Variants in HNRNPK observed in about 807,000 individuals in gnomAD.
HNRNPK encodes heterogeneous nuclear ribonucleoprotein K.
In HNRNPK, 7 loss-of-function variants were observed where a neutral mutation model predicts 67.0. The observed-to-expected ratio is 0.10, with a 90% CI of 0.06 to 0.20. The LOEUF (loss-of-function observed/expected upper bound fraction) is 0.20. Ranked by LOEUF, HNRNPK falls within the 10% of genes least tolerant of loss-of-function variation. The pLI, the probability that HNRNPK is intolerant of heterozygous loss-of-function variation, is 1.00. For synonymous variants in HNRNPK, 213 were observed against 193.7 expected, an observed-to-expected ratio of 1.10 and a Z score of -0.83; for missense variants, 264 against 606.5, an observed-to-expected ratio of 0.44 and a Z score of 5.93.
chr9:83,969,855 C>A, intron 16 of HNRNPK: 2 of 611,784 alleles, frequency 3.3e-6, no homozygotes, highest in East Asian at 3.7e-5. Flanking sequence ...GGCCAACATC[C>A]AATGAATCTT....
At chr9:83,971,446 A>C in intron 12 of HNRNPK, 90 bp from the exon 13 acceptor site, 1 of 953,008 alleles carries the variant, frequency 1.0e-6, no homozygotes, top group Non-Finnish European at 1.7e-6. Flanking sequence ...TTACATTAAA[A>C]CAAAAGAGGG....
rs773005085 is a variant in HNRNPK at position 83,974,489 on chromosome 9, A to G, written c.330+28T>C. The G allele has an allele frequency of 3.4e-6, 4 of 1,163,058 alleles. No individual in the cohort carries two copies. The South Asian group carries it at 5.0e-5, about 15-fold the overall frequency. The allele number at this position is 1,163,058 out of a possible 1,614,324, so 72.0% of individuals were successfully genotyped here. ...TTAAACATTCCCCCCTCATATTGTC[A>G]AATACATTTAAAAAAAAATGAGCCT... On this transcript the variant is annotated intron_variant, in intron 7 of 16. Transcript: ENST00000376263.
intron 12 of HNRNPK, 80 bp downstream of exon 12, chr9:83,971,592 T>C (rs1956844911): frequency 4.1e-6 from 5 of 1,211,420 alleles, no homozygotes; most frequent in East Asian, 4.6e-5. Flanking sequence ...TTTTAATCAC[T>C]ATAACCTTCA....
intron 1 of HNRNPK, among the ~76,000 whole-genome samples, chr9:83,979,888 C>T (rs1436638574): frequency 6.6e-6 from 1 of 152,208 alleles, no homozygotes; most frequent in Non-Finnish European, 1.5e-5. Flanking sequence ...CTTTCCTCCA[C>T]GAGGTCCCTA....
chr9:83,970,717 G>A lies in HNRNPK; in HGVS notation c.1191+20C>T. 7.6e-7 allele frequency: 1 copy of A among 1,313,308 alleles called. No homozygotes were observed. The highest frequency in any genetic ancestry group is 1.2e-5 in the South Asian group (1 of 82,076). 81.4% of individuals were successfully genotyped at this position (1,313,308 alleles called of 1,614,324 possible). A position where few individuals can be genotyped will look rare whatever the true frequency, so the allele number is the denominator to read the frequency against. On this transcript the variant is annotated intron_variant, in intron 15 of 16. Transcript: ENST00000376263. ...TCATAAAAGTGATAAAATGTTCCTG[G>A]TAGTATTAAAGATACTTACATCTTT... is the stretch of plus-strand genomic sequence containing the variant.
chr9:83,976,988 T>C lies in HNRNPK; in HGVS notation c.213+7A>G, dbSNP rs75397435. ...CTCGTGTAGTAGTTTAAACTCTTAA[T>C]ACTTACGTCTGTACGGAGAGCCTTA... is the stretch of plus-strand genomic sequence containing the variant. On this transcript the variant is annotated splice_region_variant and intron_variant, in intron 5 of 16. Transcript: ENST00000376263. 7,400 of 1,581,288 alleles carry C rather than the reference T, an allele frequency of 4.7e-3. 186 individuals are homozygous for C. The highest frequency in any genetic ancestry group is 0.023 in the East Asian group (1,028 of 44,662).
Position 83,971,367 on chromosome 9 carries a change from T to C in HNRNPK, c.1009-11A>G, listed in dbSNP as rs760508706. The stretch of plus-strand genomic sequence containing the variant: ...AGCACTGAAACCAACCTGTTAGAGA[T>C]AAAAACATTAACATGAACCCGCATT... On this transcript the variant is annotated splice_polypyrimidine_tract_variant and intron_variant, in intron 12 of 16. Transcript: ENST00000376263. 8.3e-6 allele frequency: 13 copies of C among 1,557,534 alleles called. No individual in the cohort carries two copies. The Admixed American group carries it at 2.2e-4, about 26-fold the overall frequency.
At chr9:83,979,615 A>T (rs1482120527) in intron 1 of HNRNPK, among the ~76,000 whole-genome samples, 1 of 151,986 alleles carries the variant, frequency 6.6e-6, no homozygotes, top group Non-Finnish European at 1.5e-5. Flanking sequence ...CCTCACCCGG[A>T]TCCGACAGGA....
Position 83,978,241 on chromosome 9 carries a change from T to C in HNRNPK, c.12A>G (p.Glu4=). The C allele has an allele frequency of 6.2e-7, 1 of 1,612,952 alleles. No individual in the cohort carries two copies. Among genetic ancestry groups the C allele is most frequent in the Admixed American group, 1.7e-5 (1 of 59,958 alleles). The part of the protein sequence containing the change: MET[E]QPEETFPNTE... The stretch of plus-strand genomic sequence containing the variant: ...TGTTAGGGAAGGTTTCTTCTGGCTG[T>C]TCAGTTTCCATATTCTTTTATTAAA... The change falls in exon 3 of 17, where the codon GAA becomes GAG. Residue 4 remains glutamate, a synonymous_variant. Coordinates refer to ENST00000376263, the MANE Select transcript of HNRNPK (RefSeq NM_031263.4).
Position 83,969,180 on chromosome 9 carries a change from T to TCC in HNRNPK, c.*225_*226dup. ...TTCAATGTTAGTTTTTGCACGCCCT[T>TCC]CCCCCCCCCAACCCTGTTTGTAAGG... is the stretch of plus-strand genomic sequence containing the variant. On this transcript the variant is annotated 3_prime_UTR_variant, in exon 17 of 17. Coordinates refer to ENST00000376263, the MANE Select transcript of HNRNPK (RefSeq NM_031263.4). The TCC allele has an allele frequency of 5.8e-6, 3 of 512,970 alleles. No homozygotes were observed. Among genetic ancestry groups the TCC allele is most frequent in the South Asian group, 3.0e-5 (1 of 32,812 alleles). The allele number at this position is 512,970 out of a possible 1,614,324, so 31.8% of individuals were successfully genotyped here.
chr9:83,972,815 A>G (rs1373060252), intron 10 of HNRNPK, 29 bp downstream of exon 10: 1 of 1,538,720 alleles, frequency 6.5e-7, no homozygotes, highest in Non-Finnish European at 8.8e-7. Context: ...TCATAAAATC[A>G]AATGTAAACA....
At chr9:83,974,720 G>T in intron 6 of HNRNPK, 131 bp from the exon 7 acceptor site, 1 of 630,404 alleles carries the variant, frequency 1.6e-6, no homozygotes, top group Non-Finnish European at 2.8e-6. Context: ...CCCATTTAAA[G>T]TAGCCTATTT....
intron 3 of HNRNPK, among the ~76,000 whole-genome samples, 193 bp downstream of exon 3, chr9:83,978,002 A>G (rs992996233): frequency 6.6e-6 from 1 of 152,240 alleles, no homozygotes; most frequent in African/African-American, 2.4e-5. Context: ...AAAATGCAAG[A>G]AAAATTCTTT....
At chr9:83,978,943 G>A (rs371343386) in intron 1 of HNRNPK, among the ~76,000 whole-genome samples, 3 of 152,190 alleles carry the variant, frequency 2.0e-5, no homozygotes, top group South Asian at 2.1e-4. Flanking sequence ...CTACCGGAGG[G>A]ATAAATCCAA....
intron 3 of HNRNPK, 129 bp downstream of exon 3, chr9:83,978,066 G>C: frequency 1.5e-6 from 1 of 652,014 alleles, no homozygotes; most frequent in Non-Finnish European, 2.7e-6. Context: ...TGTAACTACT[G>C]ATAATCGCAG....
rs200474083 is a variant in HNRNPK, at chr9:83,977,062, T to C, written c.157-11A>G. 6 of 1,605,330 alleles carry C rather than the reference T, an allele frequency of 3.7e-6. No homozygotes were observed. In the African/African-American group the frequency reaches 8.0e-5, roughly 21 times the overall value. On this transcript the variant is annotated splice_polypyrimidine_tract_variant and intron_variant, in intron 4 of 16. Transcript: ENST00000376263. ...CACTGCCCCAGCATTCTGGAGAAGA[T>C]ACAAAGACAAAAAATTATTTTGCCT...
intron 1 of HNRNPK, among the ~76,000 whole-genome samples, chr9:83,979,718 C>A (rs937857548): frequency 6.7e-6 from 1 of 150,206 alleles, no homozygotes; most frequent in African/African-American, 2.4e-5. Flanking sequence ...GAGGTCTCAT[C>A]CCCCGCATCC....
chr9:83,973,891 C>T lies in HNRNPK; in HGVS notation c.402+11G>A, dbSNP rs1364072473. 1.2e-6 allele frequency: 2 copies of T among 1,608,362 alleles called. No homozygotes were observed. The highest frequency in any genetic ancestry group is 1.7e-4 in the Middle Eastern group (1 of 5,964). ...CATACTTCAGTGGGGTTCAATGGCA[C>T]TATGACATACATTTAAGCATTCCAC... On this transcript the variant is annotated intron_variant, in intron 8 of 16. Coordinates refer to ENST00000376263, the MANE Select transcript of HNRNPK (RefSeq NM_031263.4).
At chr9:83,979,591 A>G (rs1957266108) in intron 1 of HNRNPK, among the ~76,000 whole-genome samples, 1 of 152,122 alleles carries the variant, frequency 6.6e-6, no homozygotes, top group African/African-American at 2.4e-5. Flanking sequence ...CGACAGCAGA[A>G]GCACCGCACC....
Sources: allele counts gnomAD v4.1 joint callset (sites outside exome capture counted in the v4.1 genomes callset), GRCh38; gene constraint gnomAD v4.1.1; transcripts MANE v1.5; gene names NCBI Gene and HGNC (gene_info 2026-07-23, HGNC 2026-07-21).